The following NAALADL2 variants were observed in gnomAD, a reference collection of about 807,000 sequenced individuals.
The protein encoded by NAALADL2 is inactive N-acetylated-alpha-linked acidic dipeptidase-like protein 2.
NAALADL2 carries 76 observed loss-of-function variants against 87.2 expected under a neutral mutation model. That is an observed-to-expected ratio of 0.87 (90% CI 0.72 to 1.05). The LOEUF (loss-of-function observed/expected upper bound fraction) is 1.05. NAALADL2 is among the 50% of genes least tolerant of loss of function. NAALADL2 has a pLI of 0.00. For missense variants in NAALADL2, 1,089 were observed against 945.8 expected, an observed-to-expected ratio of 1.15 and a Z score of -1.99; for synonymous variants, 354 against 331.0, an observed-to-expected ratio of 1.07 and a Z score of -0.75.
At chr3:174,682,379 G>C (rs1216841689) in intron 2 of NAALADL2, among the ~76,000 whole-genome samples, 1 of 152,140 alleles carries the variant, frequency 6.6e-6, no homozygotes, top group Non-Finnish European at 1.5e-5. Flanking sequence ...GCCATCTGCT[G>C]TTGATAGAGC....
chr3:175,742,021 T>C (rs969792119), intron 12 of NAALADL2, among the ~76,000 whole-genome samples: 1 of 152,154 alleles, frequency 6.6e-6, no homozygotes, highest in East Asian at 1.9e-4. Flanking sequence ...GTTGCAGTCT[T>C]TTTAGTTTCT....
intron 3 of NAALADL2, among the ~76,000 whole-genome samples, chr3:174,798,024 GTTT>G: frequency 6.8e-6 from 1 of 147,714 alleles, no homozygotes; most frequent in South Asian, 2.2e-4. Flanking sequence ...TAATCAGTTA[GTTT>G]TTATTTATTA....
At chr3:175,020,178 A>G (rs1197972431) in intron 1 of NAALADL2, among the ~76,000 whole-genome samples, 2 of 151,196 alleles carry the variant, frequency 1.3e-5, no homozygotes, top group East Asian at 1.9e-4. Context: ...CCAGATTCCC[A>G]AAGTTATGAA....
At chr3:174,849,689 C>G (rs1026792659) in intron 3 of NAALADL2, among the ~76,000 whole-genome samples, 1 of 140,510 alleles carries the variant, frequency 7.1e-6, no homozygotes, top group South Asian at 2.3e-4. Context: ...GAGCTGAGAT[C>G]GCGCCATTGC....
At chr3:175,766,687 AAT>A (rs1230203701) in intron 13 of NAALADL2, among the ~76,000 whole-genome samples, 8 of 152,186 alleles carry the variant, frequency 5.3e-5, no homozygotes, top group Non-Finnish European at 1.0e-4. Flanking sequence ...TTTCTGATTT[AAT>A]ATGATCCAAA....
chr3:175,267,782 A>C (rs908264604), intron 4 of NAALADL2, among the ~76,000 whole-genome samples: 3 of 152,118 alleles, frequency 2.0e-5, no homozygotes, highest in African/African-American at 7.2e-5. Flanking sequence ...TTCCAACCTC[A>C]CATCCCATGA....
At chr3:174,757,255 T>C (rs1712223415) in intron 3 of NAALADL2, among the ~76,000 whole-genome samples, 1 of 152,158 alleles carries the variant, frequency 6.6e-6, no homozygotes, top group Admixed American at 6.5e-5. Context: ...CATAAAAATA[T>C]GTGAAAGATT....
intron 2 of NAALADL2, among the ~76,000 whole-genome samples, chr3:174,619,551 A>C (rs1578337601): frequency 6.6e-6 from 1 of 151,894 alleles, no homozygotes; most frequent in African/African-American, 2.4e-5. Flanking sequence ...TAGAAATAAG[A>C]GTTGCTTTTG....
chr3:175,658,920 A>G (rs1430266149), intron 11 of NAALADL2, among the ~76,000 whole-genome samples: 2 of 151,872 alleles, frequency 1.3e-5, no homozygotes, highest in African/African-American at 4.8e-5. Flanking sequence ...TACTAGGTAC[A>G]CACACACACA....
intron 9 of NAALADL2, among the ~76,000 whole-genome samples, chr3:175,537,349 A>G (rs1024588348): frequency 1.3e-5 from 2 of 152,212 alleles, no homozygotes; most frequent in Admixed American, 1.3e-4. Context: ...CTTGTACTGT[A>G]AAATTAGAGA....
rs192751586 is a variant in NAALADL2 at position 174,933,247 on chromosome 3, C to T, written c.43+73797C>T. Reference sequence around the variant, plus strand: ...TAGCTTCTCCTTGAAGAGGGAATTGCTTGGAACTTTTGTGTCTTAATGTCA... The same window carrying T: ...TAGCTTCTCCTTGAAGAGGGAATTGTTTGGAACTTTTGTGTCTTAATGTCA... On this transcript the variant is annotated intron_variant, in intron 1 of 13. Transcript: ENST00000454872. 2.7e-4 allele frequency among the ~76,000 whole-genome samples: 41 copies of T among 152,262 alleles called. 1 individual carries two copies. The highest frequency in any genetic ancestry group is 2.1e-3 in the Admixed American group (32 of 15,278).
intron 11 of NAALADL2, among the ~76,000 whole-genome samples, chr3:175,725,564 G>A (rs1464676492): frequency 6.6e-6 from 1 of 152,016 alleles, no homozygotes; most frequent in Non-Finnish European, 1.5e-5. Context: ...CCTTAGAATC[G>A]TTATGTTCAC....
At chr3:174,491,690 C>T (rs975285042) in intron 1 of NAALADL2, among the ~76,000 whole-genome samples, 4 of 152,148 alleles carry the variant, frequency 2.6e-5, no homozygotes, top group African/African-American at 7.2e-5. Flanking sequence ...ACATTGATGT[C>T]GCATCAAATT....
chr3:174,906,225 TA>T (rs1277735781), intron 1 of NAALADL2, among the ~76,000 whole-genome samples: 3 of 152,112 alleles, frequency 2.0e-5, no homozygotes, highest in Admixed American at 2.0e-4. Context: ...TGAATCTTTT[TA>T]ATGTAAGAAG....
At chr3:174,995,355 A>C (rs1747296418) in intron 1 of NAALADL2, among the ~76,000 whole-genome samples, 1 of 152,160 alleles carries the variant, frequency 6.6e-6, no homozygotes, top group South Asian at 2.1e-4. Context: ...TATTTGTTTA[A>C]TTAATTTAAA....
chr3:175,496,877 A>AAC (rs1390201466), intron 9 of NAALADL2, among the ~76,000 whole-genome samples: 2 of 151,960 alleles, frequency 1.3e-5, no homozygotes, highest in African/African-American at 4.8e-5. Context: ...CTATTTATTG[A>AAC]ACACTTTGTA....
intron 2 of NAALADL2, among the ~76,000 whole-genome samples, chr3:175,138,728 C>T (rs1343124478): frequency 6.7e-6 from 1 of 148,900 alleles, no homozygotes; most frequent in Non-Finnish European, 1.5e-5. Flanking sequence ...AGACTGCAGG[C>T]TCACAACACC....
intron 1 of NAALADL2, among the ~76,000 whole-genome samples, chr3:175,041,712 A>G (rs1037389755): frequency 6.6e-6 from 1 of 152,130 alleles, no homozygotes; most frequent in Non-Finnish European, 1.5e-5. Context: ...AGAGGAACAC[A>G]TGATTTATAA....
chr3:174,525,296 AG>A (rs1284812638), intron 1 of NAALADL2, among the ~76,000 whole-genome samples: 3 of 152,222 alleles, frequency 2.0e-5, no homozygotes, highest in African/African-American at 7.2e-5. Context: ...TAATTTATAA[AG>A]AAAAGAGGTT....
Sources: allele counts gnomAD v4.1 joint callset (sites outside exome capture counted in the v4.1 genomes callset), GRCh38; gene constraint gnomAD v4.1.1; transcripts MANE v1.5; gene names NCBI Gene and HGNC (gene_info 2026-07-23, HGNC 2026-07-21).